The following ZSWIM5 variants were observed in gnomAD, a reference collection of about 807,000 sequenced individuals.
The protein encoded by ZSWIM5 is zinc finger SWIM-type containing 5, also known as zinc finger SWIM domain-containing protein 5.
In ZSWIM5, 55 loss-of-function variants were observed where a neutral mutation model predicts 119.6. The ratio of observed to expected loss-of-function variants is 0.46; its 90% CI spans 0.37 to 0.58. The LOEUF is 0.58. Among genes scored for constraint, ZSWIM5 ranks in the 20% least tolerant of loss-of-function variants. The pLI, the probability that ZSWIM5 is intolerant of heterozygous loss-of-function variation, is 0.00. For missense variants in ZSWIM5, 1,193 were observed against 1,512.8 expected, an observed-to-expected ratio of 0.79 and a Z score of 3.51; for synonymous variants, 537 against 606.9, an observed-to-expected ratio of 0.88 and a Z score of 1.69.
At chr1:45,181,094 G>C (rs1045215243) in intron 1 of ZSWIM5, among the ~76,000 whole-genome samples, 1 of 152,146 alleles carries the variant, frequency 6.6e-6, no homozygotes, top group Non-Finnish European at 1.5e-5. Context: ...GAATGACTTT[G>C]ACGAGTTGAG....
chr1:45,040,160 G>A (rs1557744491), intron 7 of ZSWIM5, among the ~76,000 whole-genome samples: 1 of 152,166 alleles, frequency 6.6e-6, no homozygotes. Flanking sequence ...TTTAAAAATG[G>A]TCTTCTCATA....
At chr1:45,081,849 G>A (rs1438388968) in intron 2 of ZSWIM5, among the ~76,000 whole-genome samples, 6 of 152,170 alleles carry the variant, frequency 3.9e-5, no homozygotes, top group African/African-American at 1.4e-4. Context: ...CATTGAGAAC[G>A]GGCCAGGATG....
Position 45,043,413 on chromosome 1 carries a change from T to C in ZSWIM5, c.1433-18A>G, listed in dbSNP as rs1294247561. ...TAAGGAGTCTGGAGAAAGAAGAACA[T>C]GCAGCAGTACAGTGACAGGCAATTT... is the stretch of plus-strand genomic sequence containing the variant. On this transcript the variant is annotated intron_variant, in intron 5 of 13. Transcript: ENST00000359600. The C allele has an allele frequency of 2.5e-6, 4 of 1,613,506 alleles. No individual in the cohort carries two copies. Among genetic ancestry groups the C allele is most frequent in the Admixed American group, 1.7e-5 (1 of 59,982 alleles).
At chr1:45,069,195 G>A (rs892127994) in intron 2 of ZSWIM5, among the ~76,000 whole-genome samples, 5 of 152,054 alleles carry the variant, frequency 3.3e-5, no homozygotes, top group East Asian at 1.9e-4. Context: ...GGGAGGCCGA[G>A]GTGGGTGGAT....
intron 2 of ZSWIM5, among the ~76,000 whole-genome samples, chr1:45,060,759 C>T (rs757291233): frequency 7.2e-5 from 11 of 152,296 alleles, no homozygotes; most frequent in African/African-American, 1.7e-4. Context: ...ATGGCAGCCT[C>T]GACCTCCCAG....
chr1:45,193,952 A>G (rs1467363435), intron 1 of ZSWIM5, among the ~76,000 whole-genome samples: 1 of 151,888 alleles, frequency 6.6e-6, no homozygotes, highest in African/African-American at 2.4e-5. Context: ...ATATATATAT[A>G]TATACATACA....
intron 1 of ZSWIM5, among the ~76,000 whole-genome samples, chr1:45,096,543 C>T (rs1488615413): frequency 4.9e-5 from 7 of 143,400 alleles, no homozygotes; most frequent in African/African-American, 1.4e-4. Flanking sequence ...TCAACACACA[C>T]ACACACACAC....
intron 4 of ZSWIM5, among the ~76,000 whole-genome samples, chr1:45,054,544 T>G (rs1645109989): frequency 6.6e-6 from 1 of 152,148 alleles, no homozygotes; most frequent in East Asian, 1.9e-4. Flanking sequence ...ATCGCACCAC[T>G]GCACTCCAGA....
chr1:45,133,882 G>T lies in ZSWIM5; in HGVS notation c.596-45645C>A, dbSNP rs555596964. The stretch of plus-strand genomic sequence containing the variant: ...TTAAATAGGGAATCCTTTCCCCATT[G>T]CTTGTTTTTGTCAGGTTTGTCAAAG... On this transcript the variant is annotated intron_variant, in intron 1 of 13. Transcript: ENST00000359600. Among the ~76,000 whole-genome samples, 1,443 of 151,858 alleles carry T rather than the reference G, an allele frequency of 9.5e-3. 27 individuals are homozygous for T. Among genetic ancestry groups the T allele is most frequent in the African/African-American group, 0.033 (1,382 of 41,302 alleles).
At position 45,195,196 on chromosome 1, in the gene ZSWIM5, T is replaced by C. The variant is rs1323353650; in HGVS notation, c.595+10560A>G. Among the ~76,000 whole-genome samples the C allele has an allele frequency of 3.9e-5, 6 of 152,344 alleles. No individual in the cohort carries two copies. In the East Asian group the frequency reaches 1.2e-3, roughly 29 times the overall value. ...GTGTGCCTCTTAAATATAGAAATTA[T>C]GTTCTGTTTTGCACAGATCATACTA... On this transcript the variant is annotated intron_variant, in intron 1 of 13. Coordinates refer to ENST00000359600, the MANE Select transcript of ZSWIM5 (RefSeq NM_020883.2).
chr1:45,196,685 C>A (rs1376541606), intron 1 of ZSWIM5, among the ~76,000 whole-genome samples: 2 of 150,510 alleles, frequency 1.3e-5, no homozygotes, highest in Non-Finnish European at 3.0e-5. Flanking sequence ...CCACCACGCC[C>A]GGCTGAAGCC....
At chr1:45,146,767 CTATAAGCTCCAT>C (rs1455267549) in intron 1 of ZSWIM5, among the ~76,000 whole-genome samples, 3 of 152,048 alleles carry the variant, frequency 2.0e-5, no homozygotes, top group African/African-American at 7.2e-5. Context: ...CTCATATTGA[CTATAAGCTCCAT>C]TGGCCAGCTC....
At chr1:45,166,624 G>A (rs184063712) in intron 1 of ZSWIM5, among the ~76,000 whole-genome samples, 3 of 152,048 alleles carry the variant, frequency 2.0e-5, no homozygotes, top group Non-Finnish European at 2.9e-5. Context: ...TCAGCAAAGT[G>A]TCAGGAAACA....
intron 11 of ZSWIM5, among the ~76,000 whole-genome samples, chr1:45,024,187 CTTTTCTTTTT>C: frequency 9.6e-6 from 1 of 104,056 alleles, no homozygotes; most frequent in East Asian, 2.7e-4. Flanking sequence ...TCTTTCTTTT[CTTTTCTTTTT>C]TTTTTTTTTT....
chr1:45,094,275 C>T (rs368371289), intron 1 of ZSWIM5, among the ~76,000 whole-genome samples: 15 of 151,790 alleles, frequency 9.9e-5, no homozygotes, highest in African/African-American at 2.2e-4. Context: ...AGGATGGTCT[C>T]GATCTCCTGA....
At chr1:45,036,939 C>T (rs1040704555) in intron 8 of ZSWIM5, among the ~76,000 whole-genome samples, 2 of 152,006 alleles carry the variant, frequency 1.3e-5, no homozygotes, top group African/African-American at 4.8e-5. Flanking sequence ...GCTGGGACTA[C>T]AGGCACATGC....
rs148031621 is a variant in ZSWIM5, at chr1:45,170,941, G to A, written c.595+34815C>T. Among the ~76,000 whole-genome samples, 1,342 of 152,146 alleles carry A rather than the reference G, an allele frequency of 8.8e-3. 12 individuals are homozygous for A. Among genetic ancestry groups the A allele is most frequent in the Middle Eastern group, 0.024 (7 of 294 alleles). On this transcript the variant is annotated intron_variant, in intron 1 of 13. Coordinates refer to ENST00000359600, the MANE Select transcript of ZSWIM5 (RefSeq NM_020883.2). The stretch of plus-strand genomic sequence containing the variant: ...TAGAATATTACCAATATTTGGCACA[G>A]CACTGAATTTACACATAATTATTGT...
At chr1:45,200,504 C>T (rs1173322535) in intron 1 of ZSWIM5, among the ~76,000 whole-genome samples, 1 of 151,994 alleles carries the variant, frequency 6.6e-6, no homozygotes, top group African/African-American at 2.4e-5. Flanking sequence ...TGGAAACAGA[C>T]ATTAAAACAC....
rs995088402 is a variant in ZSWIM5, at chr1:45,081,644, G to A, written c.952+6237C>T. 5.9e-5 allele frequency among the ~76,000 whole-genome samples: 9 copies of A among 152,328 alleles called. No individual in the cohort carries two copies. In the South Asian group the frequency reaches 1.0e-3, roughly 18 times the overall value. On this transcript the variant is annotated intron_variant, in intron 2 of 13. Transcript: ENST00000359600. ...GGCACCCAGGCTGGAGTGCAGTGGC[G>A]TGATCTCGGCTTGCTACAACCTCCA... is the stretch of plus-strand genomic sequence containing the variant.
Sources: gnomAD v4.1 joint callset for allele counts (sites outside exome capture counted in the v4.1 genomes callset) on GRCh38, gnomAD v4.1.1 for gene constraint, MANE v1.5 for transcripts, NCBI Gene and HGNC (gene_info 2026-07-23, HGNC 2026-07-21) for gene names.